DSCAM: variants seen among roughly 807,000 people sequenced by gnomAD.
The protein encoded by DSCAM is DS cell adhesion molecule, also known as cell adhesion molecule DSCAM.
In DSCAM, 47 loss-of-function variants were observed where a neutral mutation model predicts 217.7. The observed-to-expected ratio is 0.22, with a 90% CI of 0.17 to 0.28. DSCAM has a LOEUF of 0.28. DSCAM is among the 10% of genes least tolerant of loss of function. The pLI, the probability that DSCAM is intolerant of heterozygous loss-of-function variation, is 1.00. For synonymous variants in DSCAM, 1,056 were observed against 1,015.3 expected (o/e 1.04, Z -0.76); for missense variants, 2,080 against 2,618.3 (o/e 0.79, Z 4.49).
At chr21:40,325,014 C>T (rs748282507) in intron 8 of DSCAM, among the ~76,000 whole-genome samples, 1 of 151,836 alleles carries the variant, frequency 6.6e-6, no homozygotes, top group Non-Finnish European at 1.5e-5. Context: ...TAAAACTTGG[C>T]TTATTTTTCC....
Position 40,036,189 on chromosome 21 carries a change from G to C in DSCAM, c.5686+6182C>G, listed in dbSNP as rs1431156871. 1.3e-3 allele frequency among the ~76,000 whole-genome samples: 189 copies of C among 145,832 alleles called. 4 individuals are homozygous for C. The highest frequency in any genetic ancestry group is 2.4e-3 in the Admixed American group (35 of 14,818). On this transcript the variant is annotated intron_variant, in intron 32 of 32. Coordinates refer to ENST00000400454, the MANE Select transcript of DSCAM (RefSeq NM_001389.5). ...TCAGAGCAGAACTGAAGGAAATAGA[G>C]ACACAAAAAACCCTTCAAAAAATTA...
chr21:40,449,316 G>T (rs1041958443), intron 3 of DSCAM, among the ~76,000 whole-genome samples: 4 of 152,120 alleles, frequency 2.6e-5, no homozygotes, highest in Non-Finnish European at 5.9e-5. Context: ...GGCATCTTTG[G>T]TGGGGGAGCA....
intron 1 of DSCAM, among the ~76,000 whole-genome samples, chr21:40,729,999 A>G (rs1174657558): frequency 1.3e-5 from 2 of 152,186 alleles, no homozygotes; most frequent in African/African-American, 4.8e-5. Flanking sequence ...AGTATTCATA[A>G]CAGACTGGAG....
chr21:40,488,575 G>C (rs1459514034), intron 3 of DSCAM, among the ~76,000 whole-genome samples: 1 of 152,052 alleles, frequency 6.6e-6, no homozygotes, highest in African/African-American at 2.4e-5. Flanking sequence ...AGAGGAGAAA[G>C]GCATCCACCC....
At chr21:40,376,558 CTATATA>C (rs1311158906) in intron 3 of DSCAM, among the ~76,000 whole-genome samples, 1 of 105,286 alleles carries the variant, frequency 9.5e-6, no homozygotes. Context: ...ATATCGATAT[CTATATA>C]TCTTATATCG....
intron 6 of DSCAM, among the ~76,000 whole-genome samples, chr21:40,342,600 GTA>G (rs2074505257): frequency 7.4e-6 from 1 of 134,552 alleles, no homozygotes; most frequent in Non-Finnish European, 1.5e-5. Context: ...GGTACATATA[GTA>G]TGTGTATATG....
At position 40,075,091 on chromosome 21, in the gene DSCAM, G is replaced by A. The variant is rs1042694601; in HGVS notation, c.4834C>T (p.Leu1612Phe). The change falls in exon 27 of 33, where the codon CTC (leucine) becomes TTC (phenylalanine). Residue 1612 changes from leucine to phenylalanine, a missense_variant. Around this residue, in one of 5 missense-constraint regions of DSCAM, gnomAD observed 1,144 missense variants for 1,421.1 expected, o/e 0.81. Transcript: ENST00000400454. ...CGCCTCCTCCGCACAACCAGCAGGA[G>A]CACAAACAGCAGCAAGACCCCCACC... ...ILVGVLLLFV[L>F]LLVVRRRRRE... 3 of 1,614,080 alleles carry A rather than the reference G, an allele frequency of 1.9e-6. No homozygotes were observed. The highest frequency in any genetic ancestry group is 2.7e-5 in the African/African-American group (2 of 74,922).
At chr21:40,509,678 A>T (rs1202144445) in intron 3 of DSCAM, among the ~76,000 whole-genome samples, 1 of 152,252 alleles carries the variant, frequency 6.6e-6, no homozygotes, top group Non-Finnish European at 1.5e-5. Flanking sequence ...TCTATGAAAG[A>T]ACTCATATGT....
At chr21:40,790,315 G>T (rs997433543) in intron 1 of DSCAM, among the ~76,000 whole-genome samples, 2 of 151,760 alleles carry the variant, frequency 1.3e-5, no homozygotes, top group African/African-American at 4.8e-5. Flanking sequence ...TCGAGTAGCT[G>T]GGATTACAGG....
intron 11 of DSCAM, among the ~76,000 whole-genome samples, chr21:40,275,675 C>T (rs1412331849): frequency 6.6e-6 from 1 of 152,200 alleles, no homozygotes; most frequent in Admixed American, 6.5e-5. Context: ...GACAAGACAG[C>T]TTGCAAATAA....
At chr21:40,656,075 T>TC (rs2090072236) in intron 3 of DSCAM, among the ~76,000 whole-genome samples, 1 of 152,104 alleles carries the variant, frequency 6.6e-6, no homozygotes, top group South Asian at 2.1e-4. Context: ...AATAAAGCAC[T>TC]CATCTCATCC....
chr21:40,718,428 T>A (rs2090866518), intron 1 of DSCAM, among the ~76,000 whole-genome samples: 1 of 152,202 alleles, frequency 6.6e-6, no homozygotes. Flanking sequence ...CAGTTCCACA[T>A]GGCTAGGGAA....
intron 32 of DSCAM, among the ~76,000 whole-genome samples, chr21:40,029,091 TCTTTTG>T (rs2088465122): frequency 6.6e-6 from 1 of 152,114 alleles, no homozygotes; most frequent in African/African-American, 2.4e-5. Context: ...AATTCTCTAT[TCTTTTG>T]AGAAATAGCT....
intron 32 of DSCAM, among the ~76,000 whole-genome samples, chr21:40,036,263 T>G (rs1009624655): frequency 1.1e-4 from 17 of 149,332 alleles, no homozygotes; most frequent in East Asian, 7.8e-4. Flanking sequence ...ATAGATAGAC[T>G]GCTAGCAAGA....
At chr21:40,673,564 G>T (rs1237176239) in intron 3 of DSCAM, among the ~76,000 whole-genome samples, 1 of 152,014 alleles carries the variant, frequency 6.6e-6, no homozygotes, top group Non-Finnish European at 1.5e-5. Flanking sequence ...TGGTGGTATG[G>T]CTTGGATCTG....
chr21:40,587,181 G>A (rs1018343470), intron 3 of DSCAM, among the ~76,000 whole-genome samples: 6 of 152,118 alleles, frequency 3.9e-5, no homozygotes, highest in Non-Finnish European at 8.8e-5. Flanking sequence ...AAAAGGATAT[G>A]TATCAGAGAC....
intron 1 of DSCAM, among the ~76,000 whole-genome samples, chr21:40,788,589 A>G (rs2091613373): frequency 1.3e-5 from 2 of 152,156 alleles, no homozygotes; most frequent in Non-Finnish European, 2.9e-5. Context: ...CCCGGCCTCA[A>G]GGTAGTAATG....
intron 1 of DSCAM, among the ~76,000 whole-genome samples, chr21:40,734,626 T>A (rs1382655020): frequency 1.3e-5 from 2 of 152,208 alleles, no homozygotes; most frequent in Admixed American, 1.3e-4. Context: ...CGGAGAGGTC[T>A]ACAGATAATG....
intron 2 of DSCAM, among the ~76,000 whole-genome samples, chr21:40,703,296 T>G (rs1601146576): frequency 6.6e-6 from 1 of 152,228 alleles, no homozygotes; most frequent in Non-Finnish European, 1.5e-5. Flanking sequence ...CAGGGCAACT[T>G]CTTGAGCCCA....
Sources: gnomAD v4.1 joint callset for allele counts (sites outside exome capture counted in the v4.1 genomes callset) on GRCh38, gnomAD v4.1.1 for gene constraint, gnomAD v4.1.1 regional missense constraint, MANE v1.5 for transcripts, NCBI Gene and HGNC (gene_info 2026-07-23, HGNC 2026-07-21) for gene names.